Variants in ANKS1B observed in about 807,000 individuals in gnomAD.
The protein encoded by ANKS1B is ankyrin repeat and sterile alpha motif domain-containing protein 1B.
ANKS1B carries 36 observed loss-of-function variants against 148.3 expected under a neutral mutation model. That is an observed-to-expected ratio of 0.24 (90% confidence interval 0.19 to 0.32). The LOEUF is 0.32. Ranked by LOEUF, ANKS1B falls within the 10% of genes least tolerant of loss-of-function variation. ANKS1B has a pLI of 1.00. For missense variants in ANKS1B, 1,157 were observed against 1,542.6 expected (o/e 0.75, Z 4.19); for synonymous variants, 542 against 560.8 (o/e 0.97, Z 0.47).
At chr12:99,530,985 A>T (rs2096983045) in intron 9 of ANKS1B, among the ~76,000 whole-genome samples, 1 of 152,154 alleles carries the variant, frequency 6.6e-6, no homozygotes, top group African/African-American at 2.4e-5. Context: ...TGAATGACAT[A>T]TTCCTGCCTC....
chr12:98,930,280 T>C (rs1457083065), intron 17 of ANKS1B, among the ~76,000 whole-genome samples: 1 of 151,962 alleles, frequency 6.6e-6, no homozygotes, highest in Non-Finnish European at 1.5e-5. Context: ...AAAAAGACCA[T>C]AACAAATGCT....
chr12:99,000,067 C>T (rs913747226), intron 17 of ANKS1B, among the ~76,000 whole-genome samples: 1 of 151,252 alleles, frequency 6.6e-6, no homozygotes, highest in African/African-American at 2.4e-5. Flanking sequence ...TGCTAAGAAA[C>T]GGGTGGGTAG....
intron 8 of ANKS1B, among the ~76,000 whole-genome samples, chr12:99,709,412 AGAG>A (rs1387900632): frequency 6.6e-6 from 1 of 152,136 alleles, no homozygotes; most frequent in African/African-American, 2.4e-5. Context: ...TGGGATGTTG[AGAG>A]GAGAAGGAAC....
intron 9 of ANKS1B, among the ~76,000 whole-genome samples, chr12:99,628,286 G>A (rs1363569555): frequency 6.6e-6 from 1 of 152,174 alleles, no homozygotes; most frequent in Non-Finnish European, 1.5e-5. Flanking sequence ...TAATTAGGCA[G>A]TTCCTGACCA....
chr12:99,471,515 T>C (rs1403671686), intron 10 of ANKS1B, among the ~76,000 whole-genome samples: 1 of 152,044 alleles, frequency 6.6e-6, no homozygotes, highest in Non-Finnish European at 1.5e-5. Context: ...TCAACATCTA[T>C]TTCTAATTTG....
intron 9 of ANKS1B, among the ~76,000 whole-genome samples, chr12:99,569,231 G>A (rs2097427134): frequency 6.6e-6 from 1 of 152,184 alleles, no homozygotes; most frequent in Non-Finnish European, 1.5e-5. Context: ...AAGAATAATG[G>A]ATGTGCTGTC....
intron 9 of ANKS1B, among the ~76,000 whole-genome samples, chr12:99,643,534 C>T (rs2098330791): frequency 6.6e-6 from 1 of 152,184 alleles, no homozygotes; most frequent in Non-Finnish European, 1.5e-5. Flanking sequence ...CCTCTCGGGC[C>T]TCAGTCCCAT....
intron 25 of ANKS1B, among the ~76,000 whole-genome samples, chr12:98,756,841 C>T (rs1306737561): frequency 6.6e-6 from 1 of 150,396 alleles, no homozygotes; most frequent in Non-Finnish European, 1.5e-5. Flanking sequence ...GATTCTCCTG[C>T]CTCAGCCTCC....
intron 17 of ANKS1B, among the ~76,000 whole-genome samples, chr12:98,980,447 C>G (rs1214484289): frequency 6.6e-6 from 1 of 152,232 alleles, no homozygotes; most frequent in African/African-American, 2.4e-5. Context: ...ACCTCGTGAT[C>G]TGCCCGCCTC....
rs577663014 is a variant in ANKS1B at position 99,378,874 on chromosome 12, C to G, written c.1756+20757G>C. 2.6e-5 allele frequency among the ~76,000 whole-genome samples: 4 copies of G among 152,222 alleles called. No individual in the cohort carries two copies. In the South Asian group the frequency reaches 8.3e-4, roughly 32 times the overall value. The stretch of plus-strand genomic sequence containing the variant: ...GTGGCCAACTCTCAGAGAGTAGAAC[C>G]AAACCCTACTGACAAAACTGGCAAC... On this transcript the variant is annotated intron_variant, in intron 12 of 26. Transcript: ENST00000683438.
intron 17 of ANKS1B, among the ~76,000 whole-genome samples, chr12:98,972,505 T>C (rs896043569): frequency 6.6e-6 from 1 of 152,154 alleles, no homozygotes; most frequent in East Asian, 1.9e-4. Context: ...GAAACAAAGA[T>C]TCAGAGAAGT....
At chr12:98,961,245 G>C (rs535675404) in intron 17 of ANKS1B, among the ~76,000 whole-genome samples, 1 of 151,976 alleles carries the variant, frequency 6.6e-6, no homozygotes, top group Non-Finnish European at 1.5e-5. Flanking sequence ...AGAAAGGTTC[G>C]GAAGAAATAA....
At chr12:99,136,780 G>T (rs2068236621) in intron 15 of ANKS1B, among the ~76,000 whole-genome samples, 1 of 152,152 alleles carries the variant, frequency 6.6e-6, no homozygotes, top group Non-Finnish European at 1.5e-5. Context: ...TTGTATTAAA[G>T]TTTTATTTGT....
chr12:99,743,847 C>G (rs2060342695), intron 8 of ANKS1B, among the ~76,000 whole-genome samples: 1 of 152,160 alleles, frequency 6.6e-6, no homozygotes, highest in Non-Finnish European at 1.5e-5. Context: ...TCTTACAGGT[C>G]TAAAGTTCTG....
In ANKS1B at chr12:99,053,255, C is replaced by T. The variant is rs753813968; in HGVS notation, c.2680G>A (p.Asp894Asn). ...YHPTSVAEWLDSIELGDYTKA... is the reference protein window; with the variant it reads ...YHPTSVAEWLNSIELGDYTKA... Reference sequence around the variant, plus strand: ...GTGTAGTCGCCCAGTTCAATGGAATCCAGCCACTCAGCTACAGAGGTGGGA... The same window carrying T: ...GTGTAGTCGCCCAGTTCAATGGAATTCAGCCACTCAGCTACAGAGGTGGGA... Residue 894 changes from aspartate (D) to asparagine (N), a missense_variant, in exon 17 of 27, where the codon GAT (aspartate) becomes AAT (asparagine). Physicochemically the swap from Asp to Asn is conservative, Grantham distance 23. Around this residue, in one of 6 missense-constraint regions of ANKS1B, gnomAD observed 258 missense variants for 497.0 expected, o/e 0.52. Transcript: ENST00000683438. 1.2e-6 allele frequency: 2 copies of T among 1,611,676 alleles called. No individual in the cohort carries two copies. Among genetic ancestry groups the T allele is most frequent in the Non-Finnish European group, 8.5e-7 (1 of 1,178,936 alleles).
chr12:99,056,016 T>C (rs956235526), intron 16 of ANKS1B, among the ~76,000 whole-genome samples: 3 of 152,144 alleles, frequency 2.0e-5, no homozygotes, highest in African/African-American at 7.2e-5. Context: ...AGGGAAATAT[T>C]TGGTGGGAGG....
At chr12:99,467,564 T>C (rs2096146460) in intron 10 of ANKS1B, among the ~76,000 whole-genome samples, 1 of 152,194 alleles carries the variant, frequency 6.6e-6, no homozygotes, top group Admixed American at 6.5e-5. Context: ...CAAAATCTCC[T>C]TAAGCTGATA....
chr12:98,804,419 A>T (rs1445762529), intron 20 of ANKS1B, among the ~76,000 whole-genome samples: 1 of 145,194 alleles, frequency 6.9e-6, no homozygotes, highest in Admixed American at 6.8e-5. Flanking sequence ...ACCCCTGCCT[A>T]TTTTTTTTTT....
chr12:99,436,641 C>A (rs1323010006), intron 11 of ANKS1B, among the ~76,000 whole-genome samples: 1 of 151,952 alleles, frequency 6.6e-6, no homozygotes, highest in Non-Finnish European at 1.5e-5. Flanking sequence ...TTTGTAACCC[C>A]AGTTCTAAAC....
Sources: gnomAD v4.1 joint callset for allele counts (sites outside exome capture counted in the v4.1 genomes callset) on GRCh38, gnomAD v4.1.1 for gene constraint, gnomAD v4.1.1 regional missense constraint, MANE v1.5 for transcripts, NCBI Gene and HGNC (gene_info 2026-07-23, HGNC 2026-07-21) for gene names.